The following SYNE2 variants were observed in gnomAD, a reference collection of about 807,000 sequenced individuals.
The protein encoded by SYNE2 is spectrin repeat containing nuclear envelope protein 2.
In SYNE2, 431 loss-of-function variants were observed where a neutral mutation model predicts 856.3. The observed-to-expected ratio is 0.50, with a 90% CI of 0.47 to 0.55. The LOEUF (loss-of-function observed/expected upper bound fraction) is 0.55, where lower values mean the gene tolerates loss of function less well. Among genes scored for constraint, SYNE2 ranks in the 20% least tolerant of loss-of-function variants. The pLI, the probability that SYNE2 is intolerant of heterozygous loss-of-function variation, is 0.00. For missense variants in SYNE2, 8,129 were observed against 8,023.2 expected, an observed-to-expected ratio of 1.01 and a Z score of -0.50; for synonymous variants, 2,923 against 2,872.3, an observed-to-expected ratio of 1.02 and a Z score of -0.56.
intron 47 of SYNE2, 138 bp from the exon 48 acceptor site, chr14:64,051,419 G>T: frequency 1.3e-6 from 1 of 796,398 alleles, no homozygotes. Flanking sequence ...TTATTTTAAG[G>T]ATAGATTATT....
rs1378816311 is a variant in SYNE2 at position 64,142,094 on chromosome 14, T to A, written c.15306+6T>A. 6.2e-7 allele frequency: 1 copy of A among 1,614,056 alleles called. No individual in the cohort carries two copies. Among genetic ancestry groups the A allele is most frequent in the Non-Finnish European group, 8.5e-7 (1 of 1,179,960 alleles). Reference sequence around the variant, plus strand: ...ATCTTCTTCAGAAGCACAAGGTAATTATGCAAAAGGAGCAGAAGTCTTTTC... The same window carrying A: ...ATCTTCTTCAGAAGCACAAGGTAATAATGCAAAAGGAGCAGAAGTCTTTTC... On this transcript the variant is annotated splice_donor_region_variant and intron_variant, in intron 82 of 115. Transcript: ENST00000555002.
chr14:63,905,552 A>G (rs2095397541), intron 1 of SYNE2, among the ~76,000 whole-genome samples: 1 of 152,028 alleles, frequency 6.6e-6, no homozygotes, highest in Non-Finnish European at 1.5e-5. Flanking sequence ...ATATTTCATC[A>G]TCTTTGTGGC....
chr14:64,063,531 CTTG>C (rs1274654524), intron 50 of SYNE2, among the ~76,000 whole-genome samples: 3 of 152,164 alleles, frequency 2.0e-5, no homozygotes, highest in South Asian at 2.1e-4. Flanking sequence ...GTGACAGAGC[CTTG>C]TTGTCCACTG....
At chr14:63,934,676 T>A (rs923059065) in intron 2 of SYNE2, among the ~76,000 whole-genome samples, 2 of 152,134 alleles carry the variant, frequency 1.3e-5, no homozygotes, top group African/African-American at 4.8e-5. Context: ...TCTGAGGTTG[T>A]TGAGTTGTGC....
chr14:64,094,445 T>G (rs569091392), intron 61 of SYNE2, among the ~76,000 whole-genome samples: 17 of 152,242 alleles, frequency 1.1e-4, no homozygotes, highest in Non-Finnish European at 2.4e-4. Flanking sequence ...GTTTTTGAAG[T>G]AGCATTTCTA....
At chr14:63,854,546 G>C (rs1171153508) in intron 1 of SYNE2, among the ~76,000 whole-genome samples, 1 of 152,206 alleles carries the variant, frequency 6.6e-6, no homozygotes, top group Non-Finnish European at 1.5e-5. Context: ...GTGGGAACAG[G>C]TGTAATCCTC....
intron 96 of SYNE2, among the ~76,000 whole-genome samples, chr14:64,185,338 TA>T (rs1050963779): frequency 1.2e-4 from 18 of 152,172 alleles, no homozygotes; most frequent in Non-Finnish European, 2.4e-4. Context: ...TGAAGACCCT[TA>T]AAATGTGCCA....
At chr14:63,838,468 T>C (rs1021909332) in intron 1 of SYNE2, among the ~76,000 whole-genome samples, 12 of 152,196 alleles carry the variant, frequency 7.9e-5, no homozygotes, top group African/African-American at 2.9e-4. Flanking sequence ...ATAATGTTGC[T>C]GGAAATATAT....
chr14:63,924,499 C>T (rs777782351), intron 2 of SYNE2, among the ~76,000 whole-genome samples: 3 of 152,196 alleles, frequency 2.0e-5, no homozygotes, highest in Non-Finnish European at 2.9e-5. Context: ...TGAATATAGG[C>T]TATCTTTATA....
intron 109 of SYNE2, 86 bp downstream of exon 109, chr14:64,218,598 C>A: frequency 7.7e-7 from 1 of 1,303,086 alleles, no homozygotes; most frequent in Non-Finnish European, 1.1e-6. Flanking sequence ...AGATATTAAC[C>A]AACTATACGA....
chr14:63,900,762 G>A (rs1246721255), intron 1 of SYNE2, among the ~76,000 whole-genome samples: 1 of 152,160 alleles, frequency 6.6e-6, no homozygotes, highest in East Asian at 1.9e-4. Flanking sequence ...GTCAAATGAT[G>A]ATTACAGGAT....
intron 85 of SYNE2, among the ~76,000 whole-genome samples, chr14:64,155,545 G>A (rs1257883921): frequency 5.3e-5 from 8 of 151,358 alleles, no homozygotes; most frequent in African/African-American, 9.7e-5. Context: ...TAGATGAATC[G>A]TATGGTACAT....
chr14:64,222,476 G>C (rs758502051), intron 112 of SYNE2, among the ~76,000 whole-genome samples: 9 of 152,170 alleles, frequency 5.9e-5, no homozygotes, highest in Non-Finnish European at 1.2e-4. Flanking sequence ...AGCCTGAGAC[G>C]GGCGGATCGC....
chr14:63,839,613 T>C (rs1889979428), intron 1 of SYNE2, among the ~76,000 whole-genome samples: 1 of 152,134 alleles, frequency 6.6e-6, no homozygotes, highest in African/African-American at 2.4e-5. Flanking sequence ...GAGGACCCTT[T>C]GAGACTGGGA....
chr14:64,014,822 A>G (rs2096875179), intron 32 of SYNE2, among the ~76,000 whole-genome samples: 1 of 150,544 alleles, frequency 6.6e-6, no homozygotes, highest in African/African-American at 2.4e-5. Context: ...TATATAATTT[A>G]TTTCCATTAG....
intron 31 of SYNE2, among the ~76,000 whole-genome samples, chr14:64,008,902 G>A (rs926423951): frequency 6.6e-6 from 1 of 152,230 alleles, no homozygotes; most frequent in East Asian, 1.9e-4. Context: ...TATTTGCGGG[G>A]GTTAATCCCT....
At chr14:64,218,639 C>A (rs2140332706) in intron 109 of SYNE2, 127 bp downstream of exon 109, 2 of 856,882 alleles carry the variant, frequency 2.3e-6, no homozygotes, top group South Asian at 1.5e-5. Flanking sequence ...TACCCTACAA[C>A]AACCAATGTT....
Position 64,049,617 on chromosome 14 carries a change from T to C in SYNE2, c.7384T>C (p.Tyr2462His), listed in dbSNP as rs1351876893. 1 of 1,613,846 alleles carries C rather than the reference T, an allele frequency of 6.2e-7. No individual in the cohort carries two copies. The highest frequency in any genetic ancestry group is 1.3e-5 in the African/African-American group (1 of 74,878). The change falls in exon 47 of 116, where the codon TAT (tyrosine) becomes CAT (histidine). Residue 2462 changes from tyrosine to histidine, a missense_variant. Tyr to His is a moderately conservative substitution (Grantham distance 83, BLOSUM62 2). Around this residue, in one of 3 missense-constraint regions of SYNE2, gnomAD observed 5,410 missense variants for 5,284.8 expected, o/e 1.02. Coordinates refer to ENST00000555002, the MANE Select transcript of SYNE2 (RefSeq NM_182914.3). ...CTGTGTGACTTATTTTTAGAAATTA[T>C]ATACCCAGTTGGAAGCAAAGAAAGC... Reference protein sequence around the residue: ...NEQLEEIEKLYTQLEAKKAAI... With the variant: ...NEQLEEIEKLHTQLEAKKAAI...
chr14:63,765,108 GA>G (rs1278846781), intron 1 of SYNE2, among the ~76,000 whole-genome samples: 1 of 152,166 alleles, frequency 6.6e-6, no homozygotes, highest in Admixed American at 6.5e-5. Flanking sequence ...GTACGGGAGA[GA>G]GGGGGAGAAA....
Sources: gnomAD v4.1 joint callset for allele counts (sites outside exome capture counted in the v4.1 genomes callset) on GRCh38, gnomAD v4.1.1 for gene constraint, gnomAD v4.1.1 regional missense constraint, MANE v1.5 for transcripts, NCBI Gene and HGNC (gene_info 2026-07-23, HGNC 2026-07-21) for gene names.